SAE1: variants seen among roughly 807,000 people sequenced by gnomAD.
SAE1 encodes SUMO1 activating enzyme subunit 1.
In SAE1, 11 loss-of-function variants were observed where a neutral mutation model predicts 40.6. That is an observed-to-expected ratio of 0.27 (90% confidence interval 0.17 to 0.45). The LOEUF (loss-of-function observed/expected upper bound fraction) is 0.45. Among genes scored for constraint, SAE1 ranks in the 20% least tolerant of loss-of-function variants. The pLI is 1.00. For missense variants in SAE1, 373 were observed against 427.3 expected, an observed-to-expected ratio of 0.87 and a Z score of 1.12; for synonymous variants, 155 against 154.3, an observed-to-expected ratio of 1.00 and a Z score of -0.03.
chr19:47,192,884 A>G (rs1299484164), intron 6 of SAE1, among the ~76,000 whole-genome samples: 2 of 151,930 alleles, frequency 1.3e-5, no homozygotes, highest in Admixed American at 1.3e-4. Flanking sequence ...CTTGGTCCAA[A>G]CAGGCAGTAC....
Position 47,171,513 on chromosome 19 carries a change from G to A in SAE1, c.733+1590G>A, listed in dbSNP as rs557360665. On this transcript the variant is annotated intron_variant, in intron 6 of 8. Coordinates refer to ENST00000270225, the MANE Select transcript of SAE1 (RefSeq NM_005500.3). ...CTCTGTTGCCCAGGAGAGCAGTGGC[G>A]TGATCTTGGCTCACTGCAACCTCCA... Among the ~76,000 whole-genome samples, 46 of 151,914 alleles carry A rather than the reference G, an allele frequency of 3.0e-4. No individual in the cohort carries two copies. The East Asian group carries it at 6.4e-3, about 21-fold the overall frequency.
At chr19:47,144,150 A>G (rs888586517) in intron 2 of SAE1, among the ~76,000 whole-genome samples, 212 of 152,148 alleles carry the variant, frequency 1.4e-3, no homozygotes, top group African/African-American at 4.9e-3. Flanking sequence ...CCTGGCCAAC[A>G]TGGCAAAACT....
At chr19:47,194,558 CTG>C (rs1282415792) in intron 6 of SAE1, among the ~76,000 whole-genome samples, 1 of 152,180 alleles carries the variant, frequency 6.6e-6, no homozygotes, top group Non-Finnish European at 1.5e-5. Flanking sequence ...ATCCATGTCT[CTG>C]TGTCTGTTCT....
intron 5 of SAE1, among the ~76,000 whole-genome samples, chr19:47,162,995 A>G (rs929806189): frequency 1.6e-4 from 24 of 152,142 alleles, no homozygotes; most frequent in African/African-American, 5.6e-4. Flanking sequence ...CTGTCTCAAA[A>G]AAAAATTTTT....
At chr19:47,131,375 A>G (rs1390766514) in intron 1 of SAE1, among the ~76,000 whole-genome samples, 3 of 151,910 alleles carry the variant, frequency 2.0e-5, no homozygotes, top group Admixed American at 2.0e-4. Flanking sequence ...GGATACGTGG[A>G]AAGGGTGAGG....
chr19:47,196,335 T>G, intron 6 of SAE1, among the ~76,000 whole-genome samples: 1 of 9,894 alleles, frequency 1.0e-4, no homozygotes, highest in Non-Finnish European at 1.5e-4. Context: ...GCGCCTGGCT[T>G]TTTTTTTTTT....
At chr19:47,154,646 C>A (rs151334386) in intron 4 of SAE1, among the ~76,000 whole-genome samples, 1 of 151,748 alleles carries the variant, frequency 6.6e-6, no homozygotes, top group African/African-American at 2.4e-5. Context: ...AGGCGCCCAC[C>A]ACCACGCCCG....
chr19:47,203,253 T>C (rs531464456), intron 7 of SAE1, among the ~76,000 whole-genome samples: 27 of 152,178 alleles, frequency 1.8e-4, no homozygotes, highest in Non-Finnish European at 2.9e-4. Flanking sequence ...GCTTCCTACA[T>C]GTTAACACAG....
chr19:47,189,493 G>A (rs1043638556), intron 6 of SAE1, among the ~76,000 whole-genome samples: 6 of 152,090 alleles, frequency 3.9e-5, no homozygotes, highest in Admixed American at 6.6e-5. Context: ...CCTGGGAGGC[G>A]GAGGTTGCAG....
At chr19:47,178,537 A>C (rs1047831175) in intron 6 of SAE1, among the ~76,000 whole-genome samples, 1 of 152,182 alleles carries the variant, frequency 6.6e-6, no homozygotes, top group Non-Finnish European at 1.5e-5. Context: ...TTGCAGGTGC[A>C]ATCTCAGCTC....
At chr19:47,143,064 C>T (rs536776181) in intron 1 of SAE1, among the ~76,000 whole-genome samples, 1 of 152,184 alleles carries the variant, frequency 6.6e-6, no homozygotes, top group Admixed American at 6.6e-5. Context: ...CTGTCTCTTT[C>T]CTAGATTCGA....
chr19:47,168,520 C>A (rs529650744), intron 5 of SAE1, among the ~76,000 whole-genome samples: 2 of 152,228 alleles, frequency 1.3e-5, no homozygotes, highest in East Asian at 3.9e-4. Context: ...TATTTGACTC[C>A]TGGACTCAGG....
intron 2 of SAE1, among the ~76,000 whole-genome samples, chr19:47,145,572 A>G (rs12611429): frequency 0.16 from 24,157 of 152,008 alleles, 2,098 homozygotes; most frequent in East Asian, 0.36. Context: ...CCTCAGTGAC[A>G]TTTTATTTAT....
chr19:47,176,906 CTT>C (rs1439307334), intron 6 of SAE1, among the ~76,000 whole-genome samples: 5 of 152,102 alleles, frequency 3.3e-5, no homozygotes, highest in Admixed American at 6.6e-5. Context: ...AAAAAAATGA[CTT>C]TGATTTGTTC....
At chr19:47,147,465 T>A (rs1293554851) in intron 2 of SAE1, among the ~76,000 whole-genome samples, 1 of 151,754 alleles carries the variant, frequency 6.6e-6, no homozygotes, top group South Asian at 2.1e-4. Context: ...TTTTTGTTTG[T>A]TTTTTTGAGA....
Position 47,130,845 on chromosome 19 carries a change from T to C in SAE1, c.-86T>C. 1.3e-6 allele frequency: 2 copies of C among 1,540,728 alleles called. No homozygotes were observed. Among genetic ancestry groups the C allele is most frequent in the South Asian group, 1.2e-5 (1 of 82,818 alleles). On this transcript the variant is annotated 5_prime_UTR_variant, in exon 1 of 9. Transcript: ENST00000270225. ...CGCATGCGCAGAAGCACTCCGGGCG[T>C]GCTGCCGGCGGCGGTAGGTGGCGCG...
chr19:47,192,834 C>G (rs2058587852), intron 6 of SAE1, among the ~76,000 whole-genome samples: 1 of 152,116 alleles, frequency 6.6e-6, no homozygotes, highest in Non-Finnish European at 1.5e-5. Context: ...GCCACTGCAC[C>G]TGGCCTCCTT....
At chr19:47,204,723 C>T (rs1257995500) in intron 8 of SAE1, among the ~76,000 whole-genome samples, 1 of 151,922 alleles carries the variant, frequency 6.6e-6, no homozygotes, top group Non-Finnish European at 1.5e-5. Flanking sequence ...GTCTCGAACT[C>T]CTGACCTTGT....
chr19:47,131,908 C>T (rs557611657), intron 1 of SAE1, among the ~76,000 whole-genome samples: 10 of 151,706 alleles, frequency 6.6e-5, no homozygotes, highest in Non-Finnish European at 1.5e-4. Context: ...GCCATATTGA[C>T]GAGACTGGTC....
Sources: gnomAD v4.1 joint callset for allele counts (sites outside exome capture counted in the v4.1 genomes callset) on GRCh38, gnomAD v4.1.1 for gene constraint, MANE v1.5 for transcripts, NCBI Gene and HGNC (gene_info 2026-07-23, HGNC 2026-07-21) for gene names.